Variants in MARCHF4 observed in about 807,000 individuals in gnomAD.
The protein encoded by MARCHF4 is membrane associated ring-CH-type finger 4.
MARCHF4 carries 14 observed loss-of-function variants against 43.9 expected under a neutral mutation model. The observed-to-expected ratio is 0.32, with a 90% CI of 0.21 to 0.50. The LOEUF is 0.50. Ranked by LOEUF, MARCHF4 falls within the 20% of genes least tolerant of loss-of-function variation. The pLI is 0.98. For synonymous variants in MARCHF4, 226 were observed against 213.3 expected (o/e 1.06, Z -0.52); for missense variants, 468 against 536.7 (o/e 0.87, Z 1.27).
chr2:216,308,727 G>T (rs563273491), intron 1 of MARCHF4, among the ~76,000 whole-genome samples: 8 of 152,294 alleles, frequency 5.3e-5, no homozygotes, highest in African/African-American at 1.9e-4. Context: ...TATGACGTAT[G>T]CGTGCTGCCC....
At chr2:216,306,358 T>G (rs2105953054) in intron 1 of MARCHF4, among the ~76,000 whole-genome samples, 1 of 152,352 alleles carries the variant, frequency 6.6e-6, no homozygotes, top group East Asian at 1.9e-4. Context: ...ATTAACCACT[T>G]GATAAGTTGA....
chr2:216,354,919 CTTT>C (rs769348095), intron 1 of MARCHF4, among the ~76,000 whole-genome samples: 1,373 of 114,844 alleles, frequency 0.012, 28 homozygotes, highest in Non-Finnish European at 0.016. Flanking sequence ...TTCTTTCTTT[CTTT>C]CTTTCTTTCT....
chr2:216,294,234 A>T (rs1232565630), intron 1 of MARCHF4, among the ~76,000 whole-genome samples: 1 of 152,262 alleles, frequency 6.6e-6, no homozygotes, highest in African/African-American at 2.4e-5. Flanking sequence ...GTTAAGTGGC[A>T]AATACTCTTG....
chr2:216,370,116 G>A lies in MARCHF4; in HGVS notation c.145C>T (p.Leu49=). ...GGGCGCCGCAGTAAGAAAACCTTCA[G>A]GTCATTGAAGAGCATGCGGCAGCGG... ...KCRCRMLFND[L]KVFLLRRPPQ... is the part of the protein sequence containing the mutation. Residue 49 remains leucine (L), a synonymous_variant, in exon 1 of 4, where the codon CTG becomes TTG. Transcript: ENST00000273067. 6.2e-7 allele frequency: 1 copy of A among 1,601,494 alleles called. No homozygotes were observed. Among genetic ancestry groups the A allele is most frequent in the Non-Finnish European group, 8.5e-7 (1 of 1,174,428 alleles).
chr2:216,287,536 G>A (rs186704042), intron 1 of MARCHF4, among the ~76,000 whole-genome samples: 13 of 150,748 alleles, frequency 8.6e-5, no homozygotes, highest in Non-Finnish European at 1.5e-4. Context: ...GCCCCCAAGG[G>A]ACACACTGTG....
chr2:216,331,270 C>T (rs572907290), intron 1 of MARCHF4, among the ~76,000 whole-genome samples: 46 of 151,942 alleles, frequency 3.0e-4, no homozygotes, highest in African/African-American at 1.1e-3. Context: ...AAATGGAAAA[C>T]TTTCTAGAAA....
At chr2:216,332,397 A>G in intron 1 of MARCHF4, among the ~76,000 whole-genome samples, 1 of 151,714 alleles carries the variant, frequency 6.6e-6, no homozygotes, top group Non-Finnish European at 1.5e-5. Flanking sequence ...GTCTAAAAAA[A>G]AAAAAAAGAA....
At chr2:216,323,617 C>T (rs1292289831) in intron 1 of MARCHF4, among the ~76,000 whole-genome samples, 2 of 152,214 alleles carry the variant, frequency 1.3e-5, no homozygotes, top group African/African-American at 2.4e-5. Context: ...AACTATCTCT[C>T]AGACCACAGT....
intron 3 of MARCHF4, among the ~76,000 whole-genome samples, chr2:216,263,484 GGAGAGAGAAA>G (rs1690778903): frequency 1.0e-5 from 1 of 99,244 alleles, no homozygotes; most frequent in Non-Finnish European, 2.0e-5. Context: ...AGAGAAAGAA[GGAGAGAGAAA>G]GAGAGAGAGA....
chr2:216,263,555 GAAGAAAA>G (rs1479602396), intron 3 of MARCHF4, among the ~76,000 whole-genome samples: 4 of 150,174 alleles, frequency 2.7e-5, no homozygotes, highest in Admixed American at 6.7e-5. Context: ...GAGAGAGAAA[GAAGAAAA>G]AGAAAGAAAG....
intron 1 of MARCHF4, among the ~76,000 whole-genome samples, chr2:216,369,301 G>C (rs186761200): frequency 1.3e-5 from 2 of 152,294 alleles, no homozygotes; most frequent in East Asian, 1.9e-4. Context: ...AAAAGGAAAA[G>C]AGAACAAGAT....
At chr2:216,263,560 AAAAG>A (rs377231508) in intron 3 of MARCHF4, among the ~76,000 whole-genome samples, 86 of 151,674 alleles carry the variant, frequency 5.7e-4, no homozygotes, top group African/African-American at 1.2e-3. Context: ...AGAAAGAAGA[AAAAG>A]AAAGAAAGAA....
intron 1 of MARCHF4, among the ~76,000 whole-genome samples, chr2:216,302,217 C>CA (rs201520325): frequency 6.6e-6 from 1 of 151,346 alleles, no homozygotes; most frequent in African/African-American, 2.4e-5. Context: ...TATTTATTTT[C>CA]AAAAAAAAAT....
At chr2:216,364,231 A>C (rs1465125811) in intron 1 of MARCHF4, among the ~76,000 whole-genome samples, 3 of 151,872 alleles carry the variant, frequency 2.0e-5, no homozygotes, top group African/African-American at 4.8e-5. Context: ...TCTTTTCCCC[A>C]GTTCTCCTAC....
chr2:216,337,951 C>A (rs1692182103), intron 1 of MARCHF4, among the ~76,000 whole-genome samples: 1 of 152,118 alleles, frequency 6.6e-6, no homozygotes, highest in African/African-American at 2.4e-5. Context: ...GATATTTGAT[C>A]AGAAATGGCA....
rs1384592129 is a variant in MARCHF4, at chr2:216,309,364, C to T, written c.517-25635G>A. On this transcript the variant is annotated intron_variant, in intron 1 of 3. Transcript: ENST00000273067. ...TAGATTACCATGGCAGCTGGTATAA[C>T]TCTTTTTCCAAAATATTTTTAACAC... 3.3e-5 allele frequency among the ~76,000 whole-genome samples: 5 copies of T among 152,324 alleles called. No homozygotes were observed. The South Asian group carries it at 1.0e-3, about 32-fold the overall frequency.
intron 1 of MARCHF4, among the ~76,000 whole-genome samples, chr2:216,317,395 C>T (rs1691795133): frequency 6.7e-6 from 1 of 150,152 alleles, no homozygotes; most frequent in Non-Finnish European, 1.5e-5. Context: ...TGCCCACATG[C>T]AACATCAGCT....
chr2:216,290,958 A>C (rs1434190207), intron 1 of MARCHF4, among the ~76,000 whole-genome samples: 2 of 152,280 alleles, frequency 1.3e-5, no homozygotes, highest in African/African-American at 4.8e-5. Flanking sequence ...ATGTCACGTA[A>C]GTACTGAGAT....
intron 1 of MARCHF4, among the ~76,000 whole-genome samples, chr2:216,331,538 G>A (rs1692081500): frequency 6.6e-6 from 1 of 151,914 alleles, no homozygotes; most frequent in South Asian, 2.1e-4. Context: ...AAGGAGAGAA[G>A]ATTTTGGCCA....
Sources: gnomAD v4.1 joint callset for allele counts (sites outside exome capture counted in the v4.1 genomes callset) on GRCh38, gnomAD v4.1.1 for gene constraint, MANE v1.5 for transcripts, NCBI Gene and HGNC (gene_info 2026-07-23, HGNC 2026-07-21) for gene names.